Variants in MACROD2 observed in about 807,000 individuals in gnomAD.
The protein encoded by MACROD2 is ADP-ribose glycohydrolase MACROD2.
In MACROD2, 36 loss-of-function variants were observed where a neutral mutation model predicts 70.4. The observed-to-expected ratio is 0.51, with a 90% confidence interval of 0.39 to 0.68. MACROD2 has a LOEUF of 0.68. Among genes scored for constraint, MACROD2 ranks in the 30% least tolerant of loss-of-function variants. MACROD2 has a pLI of 0.00. For missense variants in MACROD2, 496 were observed against 538.4 expected, an observed-to-expected ratio of 0.92 and a Z score of 0.78; for synonymous variants, 172 against 178.8, an observed-to-expected ratio of 0.96 and a Z score of 0.30.
chr20:14,390,848 T>C (rs1339449438), intron 3 of MACROD2, among the ~76,000 whole-genome samples: 2 of 152,146 alleles, frequency 1.3e-5, no homozygotes, highest in African/African-American at 2.4e-5. Context: ...AAGACATACA[T>C]GCAACCAACA....
intron 3 of MACROD2, among the ~76,000 whole-genome samples, chr20:14,394,453 A>G (rs561841027): frequency 6.6e-6 from 1 of 152,336 alleles, no homozygotes; most frequent in African/African-American, 2.4e-5. Flanking sequence ...TATTGCTCTC[A>G]TAAATTGCAA....
At chr20:15,809,698 T>C (rs911823171) in intron 8 of MACROD2, among the ~76,000 whole-genome samples, 4 of 151,954 alleles carry the variant, frequency 2.6e-5, no homozygotes, top group Non-Finnish European at 5.9e-5. Context: ...GCCCCACCTC[T>C]AACATTGGAG....
chr20:15,047,960 G>T (rs911164455), intron 5 of MACROD2, among the ~76,000 whole-genome samples: 1 of 152,046 alleles, frequency 6.6e-6, no homozygotes, highest in Non-Finnish European at 1.5e-5. Flanking sequence ...CAAGAAAAAA[G>T]AAATACATAA....
intron 5 of MACROD2, among the ~76,000 whole-genome samples, chr20:15,037,194 A>G (rs998910841): frequency 6.6e-6 from 1 of 152,034 alleles, no homozygotes; most frequent in Non-Finnish European, 1.5e-5. Context: ...CTGCATTCCA[A>G]TACTAGAAAT....
At chr20:15,217,299 C>T (rs77291350) in intron 5 of MACROD2, among the ~76,000 whole-genome samples, 1 of 152,130 alleles carries the variant, frequency 6.6e-6, no homozygotes, top group African/African-American at 2.4e-5. Context: ...TAGTACTTCT[C>T]ATCACCTCCC....
At chr20:14,553,760 G>T (rs1490218057) in intron 4 of MACROD2, among the ~76,000 whole-genome samples, 1 of 152,160 alleles carries the variant, frequency 6.6e-6, no homozygotes, top group Non-Finnish European at 1.5e-5. Context: ...GGAATTTAGA[G>T]TCATGGGAAG....
chr20:15,576,662 C>T (rs2048452689), intron 8 of MACROD2, among the ~76,000 whole-genome samples: 1 of 151,704 alleles, frequency 6.6e-6, no homozygotes, highest in African/African-American at 2.4e-5. Context: ...AAACAGATCC[C>T]AAGATAGAGT....
intron 3 of MACROD2, among the ~76,000 whole-genome samples, chr20:14,290,214 T>C (rs2082374954): frequency 6.6e-6 from 1 of 152,224 alleles, no homozygotes; most frequent in South Asian, 2.1e-4. Context: ...ACCAAACCCC[T>C]GTGACGTGCA....
At chr20:15,030,083 A>G (rs1210255419) in intron 5 of MACROD2, among the ~76,000 whole-genome samples, 1 of 150,692 alleles carries the variant, frequency 6.6e-6, no homozygotes, top group East Asian at 1.9e-4. Context: ...CCGTCTCCAA[A>G]AAAAAAAAAA....
chr20:14,861,748 A>C (rs1470127553), intron 5 of MACROD2, among the ~76,000 whole-genome samples: 2 of 150,384 alleles, frequency 1.3e-5, no homozygotes, highest in Non-Finnish European at 2.9e-5. Context: ...CCATCTTGGC[A>C]TTGAGCTGGG....
At chr20:15,985,584 A>G (rs2066468419) in intron 13 of MACROD2, among the ~76,000 whole-genome samples, 1 of 152,188 alleles carries the variant, frequency 6.6e-6, no homozygotes, top group South Asian at 2.1e-4. Context: ...GGGGCCTGCT[A>G]TGCGCTGCTC....
At chr20:15,878,536 G>A (rs535104618) in intron 9 of MACROD2, among the ~76,000 whole-genome samples, 2 of 152,160 alleles carry the variant, frequency 1.3e-5, no homozygotes, top group South Asian at 2.1e-4. Flanking sequence ...GTTCTACGGG[G>A]TTTTCTTTGC....
intron 5 of MACROD2, among the ~76,000 whole-genome samples, chr20:15,203,922 G>A (rs1377957171): frequency 6.6e-6 from 1 of 152,048 alleles, no homozygotes; most frequent in Non-Finnish European, 1.5e-5. Context: ...TGATTCTGAT[G>A]TAGGTGGTGT....
intron 2 of MACROD2, among the ~76,000 whole-genome samples, chr20:14,049,607 CG>C (rs1353059452): frequency 6.8e-6 from 1 of 148,046 alleles, no homozygotes. Flanking sequence ...ACAAAAATTA[CG>C]TGGGCTTGGT....
intron 10 of MACROD2, among the ~76,000 whole-genome samples, chr20:15,900,029 T>C (rs1601089892): frequency 6.6e-6 from 1 of 152,180 alleles, no homozygotes; most frequent in African/African-American, 2.4e-5. Flanking sequence ...TCTATGCATA[T>C]TAAAGTATCG....
chr20:15,248,625 C>G (rs992185190), intron 6 of MACROD2, among the ~76,000 whole-genome samples: 5 of 152,150 alleles, frequency 3.3e-5, no homozygotes, highest in Non-Finnish European at 7.3e-5. Flanking sequence ...ATCCAACTAC[C>G]TGGTGGAAAA....
At chr20:15,671,025 T>C (rs1600736859) in intron 8 of MACROD2, among the ~76,000 whole-genome samples, 1 of 152,218 alleles carries the variant, frequency 6.6e-6, no homozygotes, top group East Asian at 1.9e-4. Context: ...ACAGTAACAA[T>C]TTAATGTAGC....
chr20:14,457,255 A>T (rs549276882), intron 3 of MACROD2, among the ~76,000 whole-genome samples: 7 of 152,100 alleles, frequency 4.6e-5, no homozygotes, highest in Admixed American at 4.6e-4. Context: ...TCTAGTTTTT[A>T]TTAGTTTTGA....
intron 5 of MACROD2, among the ~76,000 whole-genome samples, chr20:15,205,934 A>C (rs116864179): frequency 0.011 from 1,664 of 152,340 alleles, 13 homozygotes; most frequent in Non-Finnish European, 0.016. Context: ...TGCCACAGGG[A>C]ATGAGTCAAC....
Sources: allele counts gnomAD v4.1 joint callset (sites outside exome capture counted in the v4.1 genomes callset), GRCh38; gene constraint gnomAD v4.1.1; transcripts MANE v1.5; gene names NCBI Gene and HGNC (gene_info 2026-07-23, HGNC 2026-07-21).